The following SORBS2 variants were observed in gnomAD, a reference collection of about 807,000 sequenced individuals.
SORBS2 encodes sorbin and SH3 domain-containing protein 2.
Under a neutral mutation model 97.7 loss-of-function variants are expected in SORBS2, and 46 were observed. The observed-to-expected ratio is 0.47, with a 90% CI of 0.37 to 0.60. The LOEUF (loss-of-function observed/expected upper bound fraction) is 0.60, where lower values mean the gene tolerates loss of function less well. Among genes scored for constraint, SORBS2 ranks in the 20% least tolerant of loss-of-function variants. SORBS2 has a pLI of 0.00. For synonymous variants in SORBS2, 476 were observed against 473.4 expected, an observed-to-expected ratio of 1.01 and a Z score of -0.07; for missense variants, 1,316 against 1,282.3, an observed-to-expected ratio of 1.03 and a Z score of -0.40.
intron 1 of SORBS2, among the ~76,000 whole-genome samples, chr4:185,792,464 G>A (rs138140478): frequency 3.1e-4 from 47 of 151,738 alleles, no homozygotes; most frequent in African/African-American, 7.5e-4. Flanking sequence ...ACTGCACTCC[G>A]ACCTGGGCGA....
At chr4:185,898,329 A>T (rs2099246012) in intron 1 of SORBS2, among the ~76,000 whole-genome samples, 1 of 152,244 alleles carries the variant, frequency 6.6e-6, no homozygotes, top group Non-Finnish European at 1.5e-5. Flanking sequence ...GGTAGGGGAC[A>T]TAAGCAGGGA....
At chr4:185,885,906 T>C (rs2099239167) in intron 1 of SORBS2, among the ~76,000 whole-genome samples, 4 of 152,234 alleles carry the variant, frequency 2.6e-5, no homozygotes, top group Admixed American at 2.0e-4. Context: ...TTTTAAACTT[T>C]CTGTTTTGAT....
chr4:185,641,832 G>A (rs191692752), intron 4 of SORBS2, among the ~76,000 whole-genome samples: 10 of 151,242 alleles, frequency 6.6e-5, no homozygotes, highest in Admixed American at 2.6e-4. Flanking sequence ...GCAAGAGGAC[G>A]TGTTCAAGAA....
At position 185,883,683 on chromosome 4, in the gene SORBS2, C is replaced by T. The variant is rs569482606; in HGVS notation, c.-338+72513G>A. Among the ~76,000 whole-genome samples, 8 of 152,188 alleles carry T rather than the reference C, an allele frequency of 5.3e-5. No individual in the cohort carries two copies. The East Asian group carries it at 1.4e-3, about 26-fold the overall frequency. ...ATGAAATAGTATTCATCAACAACAA[C>T]AAAAAATTAACAAATTAAATTATCC... On this transcript the variant is annotated intron_variant, in intron 1 of 20. Coordinates refer to the SORBS2 transcript ENST00000284776.
At chr4:185,826,236 CCA>C (rs1300750868) in intron 1 of SORBS2, among the ~76,000 whole-genome samples, 2 of 152,174 alleles carry the variant, frequency 1.3e-5, no homozygotes, top group Admixed American at 6.5e-5. Flanking sequence ...GGGATTTTCT[CCA>C]CAGTTTTTCT....
At chr4:185,821,155 C>T (rs2099196593) in intron 1 of SORBS2, among the ~76,000 whole-genome samples, 1 of 152,156 alleles carries the variant, frequency 6.6e-6, no homozygotes, top group East Asian at 1.9e-4. Context: ...ACAAATGAAC[C>T]GTCCCGCGCC....
intron 4 of SORBS2, among the ~76,000 whole-genome samples, chr4:185,631,779 A>T (rs1195374421): frequency 8.5e-6 from 1 of 117,670 alleles, no homozygotes; most frequent in Non-Finnish European, 1.9e-5. Context: ...ACAAAAACAA[A>T]AAACAACAAA....
intron 2 of SORBS2, among the ~76,000 whole-genome samples, chr4:185,763,756 G>T (rs900662100): frequency 2.0e-5 from 3 of 152,038 alleles, no homozygotes; most frequent in African/African-American, 7.2e-5. Context: ...CTTTTGGCTT[G>T]CACTGAATTT....
At chr4:185,747,837 A>C (rs1436512134) in intron 2 of SORBS2, among the ~76,000 whole-genome samples, 1 of 152,092 alleles carries the variant, frequency 6.6e-6, no homozygotes, top group Non-Finnish European at 1.5e-5. Context: ...CGAAAATACA[A>C]AAAATTAGCC....
At chr4:185,896,751 G>A (rs1198181155) in intron 1 of SORBS2, among the ~76,000 whole-genome samples, 2 of 152,008 alleles carry the variant, frequency 1.3e-5, no homozygotes, top group Non-Finnish European at 2.9e-5. Context: ...CCCTAACAAA[G>A]AGCCATGTCC....
chr4:185,705,416 C>T lies in SORBS2; in HGVS notation c.-197-26594G>A, dbSNP rs565374130. ...CAAAAATTAGCTGGGTGTGGTGGTG[C>T]GCACCTGTAGTCCCAGCTACTTGGG... On this transcript the variant is annotated intron_variant, in intron 2 of 20. Coordinates refer to the SORBS2 transcript ENST00000284776. 3.9e-5 allele frequency among the ~76,000 whole-genome samples: 6 copies of T among 152,024 alleles called. No homozygotes were observed. The East Asian group carries it at 7.8e-4, about 20-fold the overall frequency.
intron 1 of SORBS2, among the ~76,000 whole-genome samples, chr4:185,827,225 T>TCACCAC (rs1561210973): frequency 2.8e-5 from 2 of 70,224 alleles, no homozygotes; most frequent in African/African-American, 1.3e-4. Flanking sequence ...ATCATCACCA[T>TCACCAC]CATCATCATC....
chr4:185,851,803 C>T (rs373538637), intron 1 of SORBS2, among the ~76,000 whole-genome samples: 20 of 152,248 alleles, frequency 1.3e-4, no homozygotes, highest in Admixed American at 8.5e-4. Context: ...TTCCTGCCCT[C>T]GAACATCAGA....
intron 2 of SORBS2, among the ~76,000 whole-genome samples, chr4:185,704,582 G>T (rs563352951): frequency 1.3e-5 from 2 of 152,080 alleles, no homozygotes; most frequent in Non-Finnish European, 2.9e-5. Flanking sequence ...GCCTCCCAAA[G>T]TGCTGGGATT....
chr4:185,643,802 T>C lies in SORBS2; in HGVS notation c.396+2866A>G, dbSNP rs1272784685. On this transcript the variant is annotated intron_variant, in intron 4 of 14. Transcript: ENST00000418609. ...GAAAATGAAAAGAGCAAAGGAATGC[T>C]TCCAAGGCATCTTGGAGTCAAAAGA... Among the ~76,000 whole-genome samples the C allele has an allele frequency of 3.9e-5, 6 of 152,184 alleles. No individual in the cohort carries two copies. In the East Asian group the frequency reaches 1.2e-3, roughly 29 times the overall value.
In SORBS2 at chr4:185,858,782, G is replaced by C. The variant is rs142422455; in HGVS notation, c.-337-83416C>G. Among the ~76,000 whole-genome samples, 687 of 152,290 alleles carry C rather than the reference G, an allele frequency of 4.5e-3. 6 individuals are homozygous for C. Among genetic ancestry groups the C allele is most frequent in the African/African-American group, 0.016 (651 of 41,572 alleles). On this transcript the variant is annotated intron_variant, in intron 1 of 20. Transcript: ENST00000284776. ...GAACATTATCTTTGTAATAATTTGA[G>C]AAAATCTAAAAGGTATGGAAAAAAT...
At chr4:185,942,502 C>G (rs968866360) in intron 1 of SORBS2, among the ~76,000 whole-genome samples, 2 of 152,038 alleles carry the variant, frequency 1.3e-5, no homozygotes, top group African/African-American at 4.8e-5. Flanking sequence ...AGGTGCCCAC[C>G]ACCATGCCCA....
intron 1 of SORBS2, among the ~76,000 whole-genome samples, chr4:185,858,934 T>C (rs1482214907): frequency 2.0e-5 from 3 of 152,240 alleles, no homozygotes; most frequent in Non-Finnish European, 2.9e-5. Context: ...GCCTTGAAAT[T>C]ACTGATTATT....
At chr4:185,827,892 CACCATCATCATCAT>C (rs1304522468) in intron 1 of SORBS2, among the ~76,000 whole-genome samples, 2 of 144,406 alleles carry the variant, frequency 1.4e-5, no homozygotes, top group Non-Finnish European at 3.0e-5. Flanking sequence ...TCATCAGCGT[CACCATCATCATCAT>C]ACCATCATCA....
Sources: allele counts gnomAD v4.1 joint callset (sites outside exome capture counted in the v4.1 genomes callset), GRCh38; gene constraint gnomAD v4.1.1; transcripts MANE v1.5; gene names NCBI Gene and HGNC (gene_info 2026-07-23, HGNC 2026-07-21).